ITPRID1: variants seen among roughly 807,000 people sequenced by gnomAD.
The protein encoded by ITPRID1 is protein ITPRID1.
In ITPRID1, 96 loss-of-function variants were observed where a neutral mutation model predicts 95.4. The ratio of observed to expected loss-of-function variants is 1.01; its 90% CI spans 0.85 to 1.19. The LOEUF is 1.19. Ranked by LOEUF, ITPRID1 falls within the 50% of genes most tolerant of loss-of-function variation. The pLI, the probability that ITPRID1 is intolerant of heterozygous loss-of-function variation, is 0.00. For synonymous variants in ITPRID1, 510 were observed against 453.6 expected (o/e 1.12, Z -1.58); for missense variants, 1,339 against 1,252.9 (o/e 1.07, Z -1.04).
At position 31,560,450 on chromosome 7, in the gene ITPRID1, G is replaced by A. The variant is rs192210388; in HGVS notation, c.256+5549G>A. On this transcript the variant is annotated intron_variant, in intron 5 of 14. Coordinates refer to ENST00000615280, the MANE Select transcript of ITPRID1 (RefSeq NM_001257967.3). ...GCTGTTCACAGAGTTGGCTTTGGGA[G>A]GAGGAGGTTGGAAAGGGTTGAAGCG... is the stretch of plus-strand genomic sequence containing the variant. Among the ~76,000 whole-genome samples the A allele has an allele frequency of 2.6e-5, 4 of 152,304 alleles. No homozygotes were observed. In the East Asian group the frequency reaches 7.7e-4, roughly 29 times the overall value.
intron 10 of ITPRID1, among the ~76,000 whole-genome samples, chr7:31,625,550 C>T (rs1253477155): frequency 6.6e-6 from 1 of 151,988 alleles, no homozygotes. Context: ...CATATTCTCA[C>T]TCATAGGTGG....
chr7:31,590,050 G>A (rs1170405112), intron 10 of ITPRID1, among the ~76,000 whole-genome samples: 1 of 151,992 alleles, frequency 6.6e-6, no homozygotes, highest in Non-Finnish European at 1.5e-5. Flanking sequence ...ATATATATGT[G>A]TGTATATATA....
chr7:31,578,059 C>G lies in ITPRID1; in HGVS notation c.795C>G (p.Ile265Met). 6.2e-7 allele frequency: 1 copy of G among 1,613,870 alleles called. No individual in the cohort carries two copies. The highest frequency in any genetic ancestry group is 1.6e-4 in the Middle Eastern group (1 of 6,062). Residue 265 changes from isoleucine to methionine, a missense_variant, in exon 9 of 15, where the codon ATC becomes ATG. Ile to Met is a conservative substitution (Grantham distance 10). Transcript: ENST00000615280. ...TAAGGAGAGCTTCCAAACAGAACAT[C>G]AGGCGGGATTGTAACCCAGAGGTAT... is the stretch of plus-strand genomic sequence containing the variant. ...KLLRRASKQN[I>M]RRDCNPEVSE...
chr7:31,557,813 A>C (rs949303399), intron 5 of ITPRID1, among the ~76,000 whole-genome samples: 1 of 152,138 alleles, frequency 6.6e-6, no homozygotes, highest in African/African-American at 2.4e-5. Flanking sequence ...TTCAGCTTAG[A>C]TCTGTCTGTC....
chr7:31,642,588 C>T, intron 11 of ITPRID1, 94 bp from the exon 12 acceptor site: 1 of 1,134,544 alleles, frequency 8.8e-7, no homozygotes, highest in Non-Finnish European at 1.2e-6. Flanking sequence ...TATCTCCTGA[C>T]TCCTAAGGCA....
chr7:31,599,483 A>G (rs1786251708), intron 10 of ITPRID1, among the ~76,000 whole-genome samples: 1 of 152,214 alleles, frequency 6.6e-6, no homozygotes, highest in Admixed American at 6.5e-5. Flanking sequence ...CTTCTACTGT[A>G]TCTATGTTTC....
intron 10 of ITPRID1, among the ~76,000 whole-genome samples, chr7:31,599,585 T>TTTTCTTTCTTTCTTTCTTTC (rs527461356): frequency 2.7e-5 from 3 of 112,814 alleles, no homozygotes; most frequent in Non-Finnish European, 1.8e-5. Context: ...TGTTGTGTTA[T>TTTTCTTTCTTTCTTTCTTTC]TTTCTTTCTT....
At chr7:31,598,386 CTTTTTTTTTTTCTTTTTT>C (rs1319676313) in intron 10 of ITPRID1, among the ~76,000 whole-genome samples, 17 of 125,822 alleles carry the variant, frequency 1.4e-4, no homozygotes, top group Admixed American at 4.2e-4. Context: ...TAGCGAATTT[CTTTTTTTTTTTCTTTTTT>C]TTTTTTTTTT....
intron 5 of ITPRID1, among the ~76,000 whole-genome samples, chr7:31,558,619 T>G (rs941517623): frequency 1.3e-5 from 2 of 152,206 alleles, no homozygotes; most frequent in African/African-American, 4.8e-5. Context: ...TTAGTAATAA[T>G]GTAGTTTGTA....
At chr7:31,545,629 A>G (rs1188998790) in intron 1 of ITPRID1, among the ~76,000 whole-genome samples, 1 of 152,122 alleles carries the variant, frequency 6.6e-6, no homozygotes, top group African/African-American at 2.4e-5. Context: ...CTCCAACTCC[A>G]GGAAGACTGA....
At chr7:31,550,281 A>G (rs1190791965) in intron 2 of ITPRID1, among the ~76,000 whole-genome samples, 1 of 151,738 alleles carries the variant, frequency 6.6e-6, no homozygotes, top group East Asian at 1.9e-4. Context: ...ATGAGGATAA[A>G]TGACAGCATA....
intron 12 of ITPRID1, among the ~76,000 whole-genome samples, chr7:31,646,639 G>A (rs943694790): frequency 6.6e-6 from 1 of 152,164 alleles, no homozygotes; most frequent in Non-Finnish European, 1.5e-5. Context: ...CCCCAGCTGT[G>A]TGGAGAGATT....
At chr7:31,628,448 C>CT (rs113407332) in intron 10 of ITPRID1, among the ~76,000 whole-genome samples, 3,644 of 143,440 alleles carry the variant, frequency 0.025, 55 homozygotes, top group Non-Finnish European at 0.033. Flanking sequence ...AGCGTGATTC[C>CT]TTTTTTTTTT....
At chr7:31,577,723 A>G in intron 8 of ITPRID1, 140 bp from the exon 9 acceptor site, 2 of 660,180 alleles carry the variant, frequency 3.0e-6, no homozygotes, top group East Asian at 5.5e-5. Flanking sequence ...ATATACTGAG[A>G]AAAACTTGAG....
intron 10 of ITPRID1, among the ~76,000 whole-genome samples, chr7:31,622,434 G>T (rs1484371824): frequency 6.6e-6 from 1 of 151,506 alleles, no homozygotes; most frequent in Admixed American, 6.6e-5. Flanking sequence ...AATCAAACTA[G>T]AACTCAGGAT....
At chr7:31,633,511 C>T (rs79746939) in intron 10 of ITPRID1, among the ~76,000 whole-genome samples, 2,069 of 152,300 alleles carry the variant, frequency 0.014, 56 homozygotes, top group African/African-American at 0.047. Context: ...TTCTACAAAA[C>T]ATTGAAAATT....
At chr7:31,565,322 A>C (rs998641210) in intron 5 of ITPRID1, among the ~76,000 whole-genome samples, 1 of 152,252 alleles carries the variant, frequency 6.6e-6, no homozygotes, top group African/African-American at 2.4e-5. Context: ...TTAAAAAATC[A>C]TATTCAGTTT....
In ITPRID1 at chr7:31,569,902, C is replaced by G; in HGVS notation, c.308+93C>G. On this transcript the variant is annotated intron_variant, in intron 6 of 14. Transcript: ENST00000615280. ...AAGTAGGGAAGTTTTCTTAATATTG[C>G]CATAGCTCTTGGGATCTCGTGAAAG... The G allele has an allele frequency of 4.9e-6, 5 of 1,022,682 alleles. No individual in the cohort carries two copies. The South Asian group carries it at 8.0e-5, about 16-fold the overall frequency. 63.4% of individuals were successfully genotyped at this position (1,022,682 alleles called of 1,614,324 possible).
chr7:31,529,783 A>C lies in ITPRID1; in HGVS notation c.-98+15663A>C, dbSNP rs1187110644. The C allele has an allele frequency of 2.3e-5, 35 of 1,535,300 alleles. No homozygotes were observed. The Admixed American group carries it at 6.9e-4, about 30-fold the overall frequency. ...CACATACTTTGATGCCAACTACAGC[A>C]AGTTGCAAGACCATTTCTCTGCTGA... On this transcript the variant is annotated intron_variant, in intron 1 of 14. Transcript: ENST00000615280.
Sources: allele counts gnomAD v4.1 joint callset (sites outside exome capture counted in the v4.1 genomes callset), GRCh38; gene constraint gnomAD v4.1.1; transcripts MANE v1.5; gene names NCBI Gene and HGNC (gene_info 2026-07-23, HGNC 2026-07-21).